Variants in TFEC observed in about 807,000 individuals in gnomAD.
TFEC encodes transcription factor EC.
Under a neutral mutation model 41.6 loss-of-function variants are expected in TFEC, and 31 were observed. The observed-to-expected ratio is 0.74, with a 90% confidence interval of 0.56 to 1.01. The LOEUF is 1.01. Ranked by LOEUF, TFEC falls within the 50% of genes least tolerant of loss-of-function variation. The probability of loss-of-function intolerance (pLI) is 0.00; values close to 1 mark genes in which losing one functional copy is unlikely to be tolerated. For missense variants in TFEC, 402 were observed against 404.1 expected (o/e 0.99, Z 0.04); for synonymous variants, 143 against 140.6 (o/e 1.02, Z -0.12).
intron 3 of TFEC, among the ~76,000 whole-genome samples, chr7:116,072,615 G>A (rs1028451173): frequency 6.6e-6 from 1 of 151,530 alleles, no homozygotes; most frequent in South Asian, 2.1e-4. Context: ...TTAAAAGAAC[G>A]ATTTATTACA....
intron 3 of TFEC, among the ~76,000 whole-genome samples, chr7:115,959,060 T>C (rs1792390839): frequency 6.6e-6 from 1 of 151,962 alleles, no homozygotes; most frequent in East Asian, 1.9e-4. Context: ...AGTTTTAACT[T>C]AATTTTGTAG....
chr7:115,984,508 T>C lies in TFEC; in HGVS notation c.-67A>G. 1 of 1,613,722 alleles carries C rather than the reference T, an allele frequency of 6.2e-7. No individual in the cohort carries two copies. The highest frequency in any genetic ancestry group is 2.2e-5 in the East Asian group (1 of 44,820). On this transcript the variant is annotated 5_prime_UTR_variant, in exon 2 of 8. Coordinates refer to ENST00000265440, the MANE Select transcript of TFEC (RefSeq NM_012252.4). ...GCCTTGCAGAACTTTCCAGGTGTGCTGGGACCTACAAGATCAAAATTAAAC... is the reference window on the plus strand; with the variant it reads ...GCCTTGCAGAACTTTCCAGGTGTGCCGGGACCTACAAGATCAAAATTAAAC...
chr7:116,062,683 C>T (rs919453255), intron 3 of TFEC, among the ~76,000 whole-genome samples: 9 of 149,318 alleles, frequency 6.0e-5, no homozygotes, highest in East Asian at 2.0e-4. Flanking sequence ...TATAAACATG[C>T]GTGTGCAAAT....
At chr7:116,157,662 A>G (rs1315251717) in intron 1 of TFEC, among the ~76,000 whole-genome samples, 1 of 152,152 alleles carries the variant, frequency 6.6e-6, no homozygotes, top group Non-Finnish European at 1.5e-5. Flanking sequence ...AAAAATGCCC[A>G]CATTATCTTT....
chr7:116,091,056 T>G lies in TFEC; in HGVS notation c.198+19652A>C, dbSNP rs1049284470. ...GTGCAGCAAACCATCATGGCACATGTGTACCTATGTAACAAACCTGCACGT... is the reference window on the plus strand; with the variant it reads ...GTGCAGCAAACCATCATGGCACATGGGTACCTATGTAACAAACCTGCACGT... On this transcript the variant is annotated intron_variant, in intron 3 of 8. Coordinates refer to the TFEC transcript ENST00000484212. 6.6e-5 allele frequency among the ~76,000 whole-genome samples: 10 copies of G among 152,058 alleles called. No individual in the cohort carries two copies. The East Asian group carries it at 1.9e-3, about 29-fold the overall frequency.
chr7:116,005,999 C>A (rs569825921), intron 1 of TFEC, among the ~76,000 whole-genome samples: 2 of 152,172 alleles, frequency 1.3e-5, no homozygotes, highest in African/African-American at 2.4e-5. Context: ...GTTGAGCCTA[C>A]GGTGCTCAGA....
intron 1 of TFEC, among the ~76,000 whole-genome samples, chr7:116,116,978 G>A (rs1798004531): frequency 6.6e-6 from 1 of 151,790 alleles, no homozygotes; most frequent in Admixed American, 6.6e-5. Flanking sequence ...TTCAATCTAT[G>A]CAAACAAATG....
Position 116,020,785 on chromosome 7 carries a change from T to C in TFEC, c.-73+9848A>G, listed in dbSNP as rs187576781. ...GTACCATTGGATTTTTTTTTTTAAG[T>C]ACAGGAGATAGCATCTAAGTCCTGA... is the stretch of plus-strand genomic sequence containing the variant. On this transcript the variant is annotated intron_variant, in intron 1 of 7. Coordinates refer to ENST00000265440, the MANE Select transcript of TFEC (RefSeq NM_012252.4). Among the ~76,000 whole-genome samples the C allele has an allele frequency of 3.0e-3, 464 of 152,218 alleles. 5 individuals carry two copies. The highest frequency in any genetic ancestry group is 0.01 in the African/African-American group (430 of 41,548).
At chr7:115,962,874 T>C (rs978366565) in intron 3 of TFEC, among the ~76,000 whole-genome samples, 3 of 151,968 alleles carry the variant, frequency 2.0e-5, no homozygotes, top group African/African-American at 7.2e-5. Flanking sequence ...TTATTATACT[T>C]TAAGTTCTAG....
At chr7:116,012,135 A>G (rs1175689537) in intron 1 of TFEC, among the ~76,000 whole-genome samples, 2 of 152,204 alleles carry the variant, frequency 1.3e-5, no homozygotes, top group Non-Finnish European at 2.9e-5. Context: ...CTACAATTCA[A>G]TAGTTTCCTG....
At chr7:116,106,161 T>G (rs1797712518) in intron 3 of TFEC, among the ~76,000 whole-genome samples, 1 of 152,104 alleles carries the variant, frequency 6.6e-6, no homozygotes, top group Non-Finnish European at 1.5e-5. Flanking sequence ...AAAGAATATC[T>G]CTTATTTTAA....
exon 2 of TFEC, chr7:116,111,998 C>A (rs151070333): frequency 1.6e-5 from 16 of 986,596 alleles, no homozygotes; most frequent in Non-Finnish European, 1.6e-5. Context: ...ATACCTTTTA[C>A]TTTCTGATTT....
intron 2 of TFEC, among the ~76,000 whole-genome samples, chr7:115,978,925 T>G (rs1182722884): frequency 6.6e-6 from 1 of 152,144 alleles, no homozygotes; most frequent in Non-Finnish European, 1.5e-5. Context: ...TGTATTCAGG[T>G]TCTCAAGGGG....
At chr7:116,122,933 C>A (rs906373189) in intron 1 of TFEC, among the ~76,000 whole-genome samples, 1 of 151,940 alleles carries the variant, frequency 6.6e-6, no homozygotes. Context: ...AGAGCAGTGC[C>A]CAGGGTTGGG....
chr7:115,992,275 G>A (rs995243907), intron 1 of TFEC, among the ~76,000 whole-genome samples: 2 of 151,956 alleles, frequency 1.3e-5, no homozygotes, highest in African/African-American at 2.4e-5. Context: ...AAATTGACAC[G>A]CTAACATCAC....
At chr7:115,962,212 A>C (rs976393700) in intron 3 of TFEC, among the ~76,000 whole-genome samples, 8 of 151,822 alleles carry the variant, frequency 5.3e-5, no homozygotes, top group African/African-American at 1.9e-4. Context: ...AATAAGTGGA[A>C]AGGCATTTTG....
At chr7:116,148,414 G>A (rs1798686819) in intron 1 of TFEC, among the ~76,000 whole-genome samples, 2 of 152,106 alleles carry the variant, frequency 1.3e-5, no homozygotes, top group Admixed American at 6.6e-5. Context: ...AGATGAGGAC[G>A]GTTTAGACCA....
At chr7:116,016,934 A>G (rs1439136201) in intron 1 of TFEC, among the ~76,000 whole-genome samples, 1 of 152,044 alleles carries the variant, frequency 6.6e-6, no homozygotes, top group African/African-American at 2.4e-5. Context: ...GTCTTGTCCA[A>G]TTCAGAAACT....
intron 1 of TFEC, among the ~76,000 whole-genome samples, chr7:116,009,316 C>T (rs1022717117): frequency 6.6e-6 from 1 of 152,114 alleles, no homozygotes; most frequent in Non-Finnish European, 1.5e-5. Flanking sequence ...GGCCTCAAAA[C>T]AATACAACAG....
Sources: gnomAD v4.1 joint callset for allele counts (sites outside exome capture counted in the v4.1 genomes callset) on GRCh38, gnomAD v4.1.1 for gene constraint, MANE v1.5 for transcripts, NCBI Gene and HGNC (gene_info 2026-07-23, HGNC 2026-07-21) for gene names.